The following UNC5D variants were observed in gnomAD, a reference collection of about 807,000 sequenced individuals.
UNC5D encodes netrin receptor UNC5D.
UNC5D carries 39 observed loss-of-function variants against 105.4 expected under a neutral mutation model. The observed-to-expected ratio is 0.37, with a 90% confidence interval of 0.29 to 0.48. The LOEUF is 0.48. Among genes scored for constraint, UNC5D ranks in the 20% least tolerant of loss-of-function variants. The pLI is 0.98. For missense variants in UNC5D, 991 were observed against 1,202.4 expected, an observed-to-expected ratio of 0.82 and a Z score of 2.60; for synonymous variants, 452 against 450.4, an observed-to-expected ratio of 1.00 and a Z score of -0.04.
At chr8:35,677,771 C>A (rs919777268) in intron 4 of UNC5D, among the ~76,000 whole-genome samples, 4 of 77,882 alleles carry the variant, frequency 5.1e-5, no homozygotes, top group Admixed American at 3.2e-4. Flanking sequence ...ATCAAGTATA[C>A]CAGCATATAT....
intron 1 of UNC5D, among the ~76,000 whole-genome samples, chr8:35,481,885 A>C (rs1346639511): frequency 6.6e-6 from 1 of 152,090 alleles, no homozygotes; most frequent in African/African-American, 2.4e-5. Context: ...CCCACTCTCC[A>C]ACACCCTCTG....
intron 4 of UNC5D, among the ~76,000 whole-genome samples, chr8:35,611,010 C>CAAAAAA (rs11314770): frequency 1.5e-4 from 9 of 60,096 alleles, no homozygotes; most frequent in East Asian, 4.9e-4. Flanking sequence ...GACAAAGAAG[C>CAAAAAA]AAAAAAAAAA....
At chr8:35,667,555 C>T (rs1824508300) in intron 4 of UNC5D, among the ~76,000 whole-genome samples, 1 of 152,180 alleles carries the variant, frequency 6.6e-6, no homozygotes, top group Non-Finnish European at 1.5e-5. Flanking sequence ...ACCTGTAAAA[C>T]AGAGAGCCAG....
At chr8:35,555,718 C>T (rs986069459) in intron 2 of UNC5D, among the ~76,000 whole-genome samples, 4 of 151,478 alleles carry the variant, frequency 2.6e-5, no homozygotes, top group Non-Finnish European at 4.4e-5. Context: ...CCCAGCTACT[C>T]GGGAGGCTGA....
At position 35,683,645 on chromosome 8, in the gene UNC5D, C is replaced by G; in HGVS notation, c.669C>G (p.Leu223=). ...DHNLIIRQAR[L]SDSGNYTCMA... ...ACCTGATCATCAGGCAGGCACGGCT[C>G]TCGGACTCAGGAAATTACACCTGCA... Residue 223 remains leucine, a synonymous_variant, in exon 5 of 17, where the codon CTC becomes CTG. Transcript: ENST00000404895. 3 of 1,578,366 alleles carry G rather than the reference C, an allele frequency of 1.9e-6. No individual in the cohort carries two copies. The African/African-American group carries it at 4.1e-5, about 22-fold the overall frequency.
At chr8:35,280,176 A>T (rs935598182) in intron 1 of UNC5D, among the ~76,000 whole-genome samples, 2 of 152,052 alleles carry the variant, frequency 1.3e-5, no homozygotes, top group Admixed American at 1.3e-4. Context: ...TTATATTTTT[A>T]GTAGAGTTGG....
chr8:35,772,940 C>A (rs942735511), intron 15 of UNC5D, among the ~76,000 whole-genome samples: 1 of 151,902 alleles, frequency 6.6e-6, no homozygotes, highest in East Asian at 1.9e-4. Context: ...GATACATGAC[C>A]CCCTCTATAG....
chr8:35,244,218 A>C, intron 1 of UNC5D, among the ~76,000 whole-genome samples: 1 of 152,230 alleles, frequency 6.6e-6, no homozygotes, highest in East Asian at 1.9e-4. Context: ...AGTCGAACAA[A>C]CCTAAACAGG....
intron 7 of UNC5D, among the ~76,000 whole-genome samples, chr8:35,701,816 G>C (rs16884255): frequency 0.054 from 8,196 of 151,152 alleles, 448 homozygotes; most frequent in African/African-American, 0.12. Flanking sequence ...GGGATAAAGA[G>C]CTAGGCTTGT....
chr8:35,707,079 A>C lies in UNC5D; in HGVS notation c.1117+1118A>C, dbSNP rs143087270. Among the ~76,000 whole-genome samples the C allele has an allele frequency of 3.9e-5, 6 of 152,268 alleles. No homozygotes were observed. The East Asian group carries it at 1.2e-3, about 29-fold the overall frequency. On this transcript the variant is annotated intron_variant, in intron 8 of 16. Coordinates refer to ENST00000404895, the MANE Select transcript of UNC5D (RefSeq NM_080872.4). ...TCAACTGAATGACTTTTGATCTTTT[A>C]AATCTTAGGGTATTAAAATTCAAAG...
At chr8:35,271,366 C>T (rs1040345128) in intron 1 of UNC5D, among the ~76,000 whole-genome samples, 4 of 76,644 alleles carry the variant, frequency 5.2e-5, no homozygotes, top group East Asian at 4.9e-4. Flanking sequence ...TACACACGTG[C>T]ACGTGTGTAT....
At chr8:35,567,959 T>C in intron 2 of UNC5D, 139 bp from the exon 3 acceptor site, 1 of 1,309,316 alleles carries the variant, frequency 7.6e-7, no homozygotes, top group Non-Finnish European at 1.1e-6. Context: ...TAATATATTA[T>C]TGTCAAAGTA....
At chr8:35,540,098 C>T (rs974506083) in intron 1 of UNC5D, among the ~76,000 whole-genome samples, 1 of 152,118 alleles carries the variant, frequency 6.6e-6, no homozygotes, top group African/African-American at 2.4e-5. Flanking sequence ...AGCGATAACA[C>T]TTTGAAAGCA....
intron 1 of UNC5D, among the ~76,000 whole-genome samples, chr8:35,300,167 A>T (rs1198670379): frequency 6.6e-6 from 1 of 151,876 alleles, no homozygotes; most frequent in Non-Finnish European, 1.5e-5. Flanking sequence ...AGTAGAGTAG[A>T]CTGGGCATGG....
At chr8:35,702,845 A>G (rs1827305276) in intron 7 of UNC5D, among the ~76,000 whole-genome samples, 2 of 152,136 alleles carry the variant, frequency 1.3e-5, no homozygotes, top group East Asian at 1.9e-4. Context: ...ATTTCCAGCC[A>G]TTTCCATAGG....
chr8:35,750,703 G>T lies in UNC5D; in HGVS notation c.2057G>T (p.Cys686Phe). 6.2e-7 allele frequency: 1 copy of T among 1,614,152 alleles called. No homozygotes were observed. The highest frequency in any genetic ancestry group is 1.1e-5 in the South Asian group (1 of 91,086). Residue 686 changes from cysteine (C) to phenylalanine (F), a missense_variant, in exon 13 of 17, where the codon TGT (cysteine) becomes TTT (phenylalanine). By Grantham distance (205) the Cys-to-Phe change is radical (BLOSUM62 -2). Coordinates refer to ENST00000404895, the MANE Select transcript of UNC5D (RefSeq NM_080872.4). Reference protein sequence around the residue: ...YALTGEPITDCAVKQLKVAVF... With the variant: ...YALTGEPITDFAVKQLKVAVF... ...CTCACTGGAGAGCCAATCACAGACT[G>T]TGCCGTGAAGCAACTGAAGGTGGCG...
intron 1 of UNC5D, among the ~76,000 whole-genome samples, chr8:35,314,048 A>T (rs1298020256): frequency 6.6e-6 from 1 of 152,208 alleles, no homozygotes; most frequent in Non-Finnish European, 1.5e-5. Flanking sequence ...TTCTGAAAAT[A>T]ATAGATTGTT....
intron 1 of UNC5D, among the ~76,000 whole-genome samples, chr8:35,458,423 C>T (rs1016979909): frequency 6.6e-6 from 1 of 152,090 alleles, no homozygotes; most frequent in South Asian, 2.1e-4. Context: ...CAATAGTGCT[C>T]CCATTTCCTG....
chr8:35,412,811 T>C (rs1026805092), intron 1 of UNC5D, among the ~76,000 whole-genome samples: 1 of 152,096 alleles, frequency 6.6e-6, no homozygotes, highest in Non-Finnish European at 1.5e-5. Flanking sequence ...CTATTTATTG[T>C]GCATAAGAGT....
Sources: gnomAD v4.1 joint callset for allele counts (sites outside exome capture counted in the v4.1 genomes callset) on GRCh38, gnomAD v4.1.1 for gene constraint, MANE v1.5 for transcripts, NCBI Gene and HGNC (gene_info 2026-07-23, HGNC 2026-07-21) for gene names.